DDX54: variants seen among roughly 807,000 people sequenced by gnomAD.
The protein encoded by DDX54 is DEAD-box helicase 54.
Under a neutral mutation model 105.5 loss-of-function variants are expected in DDX54, and 67 were observed. The ratio of observed to expected loss-of-function variants is 0.64; its 90% confidence interval spans 0.52 to 0.78. The LOEUF (loss-of-function observed/expected upper bound fraction) is 0.78. Ranked by LOEUF, DDX54 falls within the 30% of genes least tolerant of loss-of-function variation. The pLI, the probability that DDX54 is intolerant of heterozygous loss-of-function variation, is 0.00. For synonymous variants in DDX54, 514 were observed against 509.9 expected, an observed-to-expected ratio of 1.01 and a Z score of -0.11; for missense variants, 1,206 against 1,230.5, an observed-to-expected ratio of 0.98 and a Z score of 0.30.
At chr12:113,177,430 A>C in intron 5 of DDX54, 1 of 271,878 alleles carries the variant, frequency 3.7e-6, no homozygotes, top group Non-Finnish European at 7.0e-6. Context: ...ACCAGCCCCA[A>C]CTAGAACCCA....
rs1952317920 is a variant in DDX54, at chr12:113,169,980, C to G, written c.1280-76G>C. The G allele has an allele frequency of 3.8e-6, 6 of 1,571,844 alleles. No homozygotes were observed. The South Asian group carries it at 7.0e-5, about 18-fold the overall frequency. On this transcript the variant is annotated intron_variant, in intron 11 of 19. Transcript: ENST00000306014. ...CAGCATGAGTTCCACAGGCCAGACC[C>G]TGAGCAGGTGAGCCTGGCCAAGCCT...
chr12:113,182,599 C>T (rs1478240516), intron 1 of DDX54, among the ~76,000 whole-genome samples: 6 of 152,058 alleles, frequency 3.9e-5, no homozygotes, highest in Non-Finnish European at 8.8e-5. Flanking sequence ...GTTCAGTCAC[C>T]CAGGCTGGAG....
chr12:113,157,816 C>G lies in DDX54; in HGVS notation c.*1061G>C. 1.4e-6 allele frequency: 1 copy of G among 736,312 alleles called. No homozygotes were observed. The highest frequency in any genetic ancestry group is 2.3e-6 in the Non-Finnish European group (1 of 434,078). 45.6% of individuals were successfully genotyped at this position (736,312 alleles called of 1,614,324 possible). A position where few individuals can be genotyped will look rare whatever the true frequency, so the allele number is the denominator to read the frequency against. ...CATTGGGAAGATGGGAGGGCTGTGC[C>G]TGTTCAGAGTGCTGTGGGCCTGCCA... is the stretch of plus-strand genomic sequence containing the variant. On this transcript the variant is annotated 3_prime_UTR_variant, in exon 20 of 20. Coordinates refer to ENST00000306014, the MANE Select transcript of DDX54 (RefSeq NM_024072.4).
At chr12:113,159,176 G>A (rs1428060620) in intron 19 of DDX54, 67 bp from the exon 20 acceptor site, 3 of 1,479,532 alleles carry the variant, frequency 2.0e-6, no homozygotes, top group African/African-American at 1.4e-5. Context: ...CCTCCCAGAA[G>A]CTTGCAGACT....
chr12:113,162,005 A>C lies in DDX54; in HGVS notation c.2196-8T>G, dbSNP rs1413422682. 2.5e-6 allele frequency: 4 copies of C among 1,611,996 alleles called. No individual in the cohort carries two copies. Among genetic ancestry groups the C allele is most frequent in the Non-Finnish European group, 3.4e-6 (4 of 1,179,748 alleles). On this transcript the variant is annotated splice_region_variant and splice_polypyrimidine_tract_variant and intron_variant, in intron 17 of 19. Coordinates refer to ENST00000306014, the MANE Select transcript of DDX54 (RefSeq NM_024072.4). ...CGCTTCTTCTTACGGTCCCTGCAGG[A>C]GAGGGAGTTGGGACGGCTGCCGTGG...
chr12:113,164,093 C>G lies in DDX54; in HGVS notation c.1912G>C (p.Glu638Gln). Residue 638 changes from glutamate to glutamine, a missense_variant, in exon 15 of 20, where the codon GAG becomes CAG. Transcript: ENST00000306014. ...TCCACACTCTCTCCCGCCTCCTCCT[C>G]CTCCTCCTTCTCAGGCTGCTTCTCC... ...LQEKQPEKEE[E>Q]EEAGESVEDI... The G allele has an allele frequency of 1.3e-6, 2 of 1,550,560 alleles. No individual in the cohort carries two copies. The highest frequency in any genetic ancestry group is 1.7e-6 in the Non-Finnish European group (2 of 1,146,522).
intron 18 of DDX54, 64 bp from the exon 19 acceptor site, chr12:113,161,446 C>T (rs1324170020): frequency 1.5e-6 from 2 of 1,314,288 alleles, no homozygotes; most frequent in African/African-American, 2.9e-5. Context: ...CCTCCCCACA[C>T]TGCCCCAGCA....
At chr12:113,168,916 G>A (rs1952304976) in intron 12 of DDX54, among the ~76,000 whole-genome samples, 1 of 148,366 alleles carries the variant, frequency 6.7e-6, no homozygotes, top group African/African-American at 2.5e-5. Context: ...GGCAACAAGA[G>A]CGAAACTCTG....
chr12:113,162,535 G>A (rs1205881304), intron 17 of DDX54, among the ~76,000 whole-genome samples: 2 of 152,214 alleles, frequency 1.3e-5, no homozygotes, highest in African/African-American at 4.8e-5. Context: ...TCAGATGGGA[G>A]TGAGGACTTC....
rs2136313743 is a variant in DDX54 at position 113,162,147 on chromosome 12, C to T, written c.2196-150G>A. On this transcript the variant is annotated intron_variant, in intron 17 of 19. Transcript: ENST00000306014. ...GCAGCCATGTCTGGCATGCAGTTGG[C>T]GCTCAATAAAGGCTTCTTCCCTATC... is the stretch of plus-strand genomic sequence containing the variant. The T allele has an allele frequency of 1.0e-5, 7 of 700,616 alleles. No individual in the cohort carries two copies. The East Asian group carries it at 1.1e-4, about 11-fold the overall frequency. 43.4% of individuals were successfully genotyped at this position (700,616 alleles called of 1,614,324 possible).
intron 11 of DDX54, among the ~76,000 whole-genome samples, chr12:113,171,670 C>A (rs1032984498): frequency 2.0e-5 from 3 of 151,828 alleles, no homozygotes; most frequent in Non-Finnish European, 4.4e-5. Flanking sequence ...CTCAATGCCA[C>A]TCCACTGCAC....
intron 1 of DDX54, among the ~76,000 whole-genome samples, chr12:113,182,192 C>T (rs149433845): frequency 4.6e-5 from 7 of 152,112 alleles, no homozygotes; most frequent in Non-Finnish European, 7.4e-5. Context: ...GATACAGTGA[C>T]GTGCCCAAGG....
At position 113,172,443 on chromosome 12, in the gene DDX54, G is replaced by GGTCA. The variant is rs1214577772; in HGVS notation, c.1185_1188dup (p.Leu397Ter). Reference sequence around the variant, plus strand: ...GGGATGTCCAGGCCTCGGGCGGCCAGGTCAGTCACAATGAGAGTGGAGCAC... The same window carrying GGTCA: ...GGGATGTCCAGGCCTCGGGCGGCCAGGTCAGTCAGTCACAATGAGAGTGGAGCAC... On this transcript the variant is annotated stop_gained and frameshift_variant, in exon 11 of 20. Transcript: ENST00000306014. LOFTEE classifies it high-confidence loss of function. 1 of 1,614,266 alleles carries GGTCA rather than the reference G, an allele frequency of 6.2e-7. No individual in the cohort carries two copies. The highest frequency in any genetic ancestry group is 1.7e-5 in the Admixed American group (1 of 60,028).
At chr12:113,167,359 A>C (rs1307592139) in intron 12 of DDX54, among the ~76,000 whole-genome samples, 4 of 152,214 alleles carry the variant, frequency 2.6e-5, no homozygotes, top group Non-Finnish European at 5.9e-5. Flanking sequence ...CCTGGGTGAC[A>C]GAGTGAGCCC....
Position 113,179,986 on chromosome 12 carries a change from G to C in DDX54, c.324C>G (p.Phe108Leu). The change falls in exon 3 of 20, where the codon TTC becomes TTG. Residue 108 changes from phenylalanine (F) to leucine (L), a missense_variant. Phe to Leu is a conservative substitution (Grantham distance 22, BLOSUM62 0). This residue lies in a region of DDX54 where 212 missense variants were observed against 155.4 expected (regional missense o/e 1.36). Coordinates refer to ENST00000306014, the MANE Select transcript of DDX54 (RefSeq NM_024072.4). Reference protein sequence around the residue: ...FQSMGLSYPVFKGIMKKGYKV... With the variant: ...FQSMGLSYPVLKGIMKKGYKV... ...TGTACCCCTTCTTCATGATGCCTTT[G>C]AACACCGGGTAGCTCAGGCCTGGGA... The C allele has an allele frequency of 1.2e-6, 2 of 1,614,070 alleles. No individual in the cohort carries two copies. Among genetic ancestry groups the C allele is most frequent in the Non-Finnish European group, 1.7e-6 (2 of 1,180,016 alleles).
intron 12 of DDX54, among the ~76,000 whole-genome samples, chr12:113,167,346 T>C (rs73208719): frequency 0.1 from 15,313 of 152,038 alleles, 908 homozygotes; most frequent in East Asian, 0.21. Context: ...CACTATACTC[T>C]AGCCTGGGTG....
rs539276285 is a variant in DDX54, at chr12:113,157,594, C to G, written c.*1283G>C. 6.4e-6 allele frequency: 10 copies of G among 1,551,496 alleles called. No homozygotes were observed. In the African/African-American group the frequency reaches 6.8e-5, roughly 11 times the overall value. On this transcript the variant is annotated 3_prime_UTR_variant, in exon 20 of 20. Transcript: ENST00000306014. ...GCTGGGATGTGACTTCGTGCTGGGC[C>G]CCCCCAGGTGAAGCTGTTCATGCAG... is the stretch of plus-strand genomic sequence containing the variant.
rs748939865 is a variant in DDX54 at position 113,157,593 on chromosome 12, C to T, written c.*1284G>A. On this transcript the variant is annotated 3_prime_UTR_variant, in exon 20 of 20. Coordinates refer to ENST00000306014, the MANE Select transcript of DDX54 (RefSeq NM_024072.4). Reference sequence around the variant, plus strand: ...GGCTGGGATGTGACTTCGTGCTGGGCCCCCCCAGGTGAAGCTGTTCATGCA... The same window carrying T: ...GGCTGGGATGTGACTTCGTGCTGGGTCCCCCCAGGTGAAGCTGTTCATGCA... 6 of 1,547,058 alleles carry T rather than the reference C, an allele frequency of 3.9e-6. No individual in the cohort carries two copies. The highest frequency in any genetic ancestry group is 5.2e-6 in the Non-Finnish European group (6 of 1,143,298).
At chr12:113,161,473 C>G in intron 18 of DDX54, 91 bp from the exon 19 acceptor site, 1 of 1,044,862 alleles carries the variant, frequency 9.6e-7, no homozygotes, top group South Asian at 1.5e-5. Flanking sequence ...GTTCCGTTAT[C>G]CCAGCCGCAG....
Sources: gnomAD v4.1 joint callset for allele counts (sites outside exome capture counted in the v4.1 genomes callset) on GRCh38, gnomAD v4.1.1 for gene constraint, gnomAD v4.1.1 regional missense constraint, MANE v1.5 for transcripts, NCBI Gene and HGNC (gene_info 2026-07-23, HGNC 2026-07-21) for gene names.